Variants in EVL observed in about 807,000 individuals in gnomAD.
The protein encoded by EVL is Enah/Vasp-like.
In EVL, 21 loss-of-function variants were observed where a neutral mutation model predicts 59.6. The ratio of observed to expected loss-of-function variants is 0.35; its 90% CI spans 0.25 to 0.51. EVL has a LOEUF of 0.51. Among genes scored for constraint, EVL ranks in the 20% least tolerant of loss-of-function variants. The pLI is 0.97. For missense variants in EVL, 462 were observed against 546.6 expected, an observed-to-expected ratio of 0.85 and a Z score of 1.54; for synonymous variants, 198 against 203.5, an observed-to-expected ratio of 0.97 and a Z score of 0.23.
At chr14:100,064,167 TAGAAC>T (rs2061885949), upstream of EVL, among the ~76,000 whole-genome samples, 1 of 152,214 alleles carries the variant, frequency 6.6e-6, no homozygotes, top group Non-Finnish European at 1.5e-5. Context: ...TCTCTCCAAT[TAGAAC>T]TGATACTTCT....
At chr14:100,055,215 C>T (rs558716481) in intron 1 of EVL, among the ~76,000 whole-genome samples, 281 of 150,068 alleles carry the variant, frequency 1.9e-3, no homozygotes, top group Non-Finnish European at 3.1e-3. Context: ...AAAAAAAAAT[C>T]TGTGTCCTCT....
chr14:100,115,281 G>A (rs999365347), intron 3 of EVL, among the ~76,000 whole-genome samples: 5 of 152,182 alleles, frequency 3.3e-5, no homozygotes, highest in Admixed American at 6.5e-5. Flanking sequence ...CTGGAGACTG[G>A]GTCTAGCCCT....
At chr14:100,030,976 C>T (rs753729455) in intron 1 of EVL, among the ~76,000 whole-genome samples, 5 of 152,172 alleles carry the variant, frequency 3.3e-5, no homozygotes, top group South Asian at 2.1e-4. Context: ...ACAACTATGA[C>T]GTATGAGGTC....
In EVL at chr14:100,108,900, CTT is replaced by C. The variant is rs1886761062; in HGVS notation, c.358+11244_358+11245del. Among the ~76,000 whole-genome samples, 1 of 152,206 alleles carries C rather than the reference CTT, an allele frequency of 6.6e-6. No individual in the cohort carries two copies. The highest frequency in any genetic ancestry group is 1.5e-5 in the Non-Finnish European group (1 of 68,034). Reference sequence around the variant, plus strand: ...AGGTTGGAAATTCAGAAAGTGGCCTCTTTGTCTCTGGACCCCAAAAACCCACA... The same window carrying C: ...AGGTTGGAAATTCAGAAAGTGGCCTCTGTCTCTGGACCCCAAAAACCCACA... On this transcript the variant is annotated intron_variant, in intron 3 of 13. Transcript: ENST00000392920. This position sits in a 1 kb window ranked among gnomAD's most constrained non-coding sequence, Gnocchi z 4.1.
chr14:100,080,978 A>G (rs550301304), intron 1 of EVL, among the ~76,000 whole-genome samples: 3 of 152,216 alleles, frequency 2.0e-5, no homozygotes, highest in East Asian at 1.9e-4. Context: ...TTGCCTATCA[A>G]ATTTCCTTAT....
chr14:99,994,589 C>G (rs1258142101), intron 1 of EVL, among the ~76,000 whole-genome samples: 1 of 152,128 alleles, frequency 6.6e-6, no homozygotes, highest in Non-Finnish European at 1.5e-5. Context: ...ATTGATAATA[C>G]AAATTACCTT....
chr14:100,103,095 C>T (rs1168684297), intron 3 of EVL, among the ~76,000 whole-genome samples: 3 of 123,274 alleles, frequency 2.4e-5, no homozygotes, highest in South Asian at 2.5e-4. Flanking sequence ...AGCAAGACTC[C>T]GTCTCAAAAA....
upstream of EVL, among the ~76,000 whole-genome samples, chr14:100,061,165 C>T (rs1021944912): frequency 6.6e-5 from 10 of 151,886 alleles, no homozygotes; most frequent in East Asian, 1.9e-4. Flanking sequence ...CTGAGGTGGA[C>T]GGATCCCTTG....
At chr14:100,124,885 G>C (rs1246594769) in intron 4 of EVL, among the ~76,000 whole-genome samples, 1 of 152,144 alleles carries the variant, frequency 6.6e-6, no homozygotes, top group Non-Finnish European at 1.5e-5. Context: ...AACAGCAGGG[G>C]ACACACACAC....
chr14:100,077,598 G>A (rs530310749), intron 1 of EVL, among the ~76,000 whole-genome samples: 7 of 152,246 alleles, frequency 4.6e-5, no homozygotes, highest in East Asian at 1.9e-4. Context: ...ACGTGAAAGC[G>A]AATGGTCCTC....
rs2060741596 is a variant in EVL at position 99,972,560 on chromosome 14, T to C, written c.5+503T>C. 6.6e-6 allele frequency among the ~76,000 whole-genome samples: 1 copy of C among 152,172 alleles called. No homozygotes were observed. The highest frequency in any genetic ancestry group is 6.5e-5 in the Admixed American group (1 of 15,280). On this transcript the variant is annotated intron_variant, in intron 1 of 13. Coordinates refer to the EVL transcript ENST00000402714. This position sits in a 1 kb window ranked among gnomAD's most constrained non-coding sequence, Gnocchi z 4.4. ...TTTACAGGTGTAGTTTCCCCTCGAC[T>C]TGGAGCCCGTCAACCCCTTCGTCTC...
At chr14:99,983,738 A>G (rs1004355093) in intron 1 of EVL, among the ~76,000 whole-genome samples, 1 of 152,172 alleles carries the variant, frequency 6.6e-6, no homozygotes, top group Non-Finnish European at 1.5e-5. Flanking sequence ...ATCTCAGTCT[A>G]GCTGCTTCCT....
intron 3 of EVL, among the ~76,000 whole-genome samples, chr14:100,123,259 G>A (rs1887813411): frequency 6.6e-6 from 1 of 152,168 alleles, no homozygotes; most frequent in South Asian, 2.1e-4. Context: ...TGAGAGAGAA[G>A]GCGAGCAGGG....
In EVL at chr14:99,972,483, C is replaced by T. The variant is rs1049757277; in HGVS notation, c.5+426C>T. 6.6e-6 allele frequency among the ~76,000 whole-genome samples: 1 copy of T among 152,170 alleles called. No individual in the cohort carries two copies. The highest frequency in any genetic ancestry group is 2.4e-5 in the African/African-American group (1 of 41,444). On this transcript the variant is annotated intron_variant, in intron 1 of 13. Coordinates refer to the EVL transcript ENST00000402714. This position sits in a 1 kb window ranked among gnomAD's most constrained non-coding sequence, Gnocchi z 4.4. The stretch of plus-strand genomic sequence containing the variant: ...CCCGGAGGAGGCTGGCCTGAAGCCC[C>T]CAGGCGTTGCCGAAGCCTCCCCCTG...
rs904344966 is a variant in EVL, at chr14:100,141,909, C to T, written c.1219+116C>T. ...GCTGGAGCCCATACTGCACTGGGCC[C>T]TGTGAGAGATTTCATTCTTACCATC... On this transcript the variant is annotated intron_variant, in intron 13 of 13. Coordinates refer to ENST00000392920, the MANE Select transcript of EVL (RefSeq NM_016337.3). The T allele has an allele frequency of 4.1e-6, 3 of 737,340 alleles. No homozygotes were observed. The African/African-American group carries it at 5.3e-5, about 13-fold the overall frequency. 45.7% of individuals were successfully genotyped at this position (737,340 alleles called of 1,614,324 possible). A position where few individuals can be genotyped will look rare whatever the true frequency, so the allele number is the denominator to read the frequency against.
chr14:100,058,533 A>G (rs896540924), intron 1 of EVL, among the ~76,000 whole-genome samples: 2 of 152,218 alleles, frequency 1.3e-5, no homozygotes, highest in Non-Finnish European at 2.9e-5. Flanking sequence ...TAACTTGCTC[A>G]CTAAATTGCG....
At chr14:100,059,927 C>T (rs1433415214) in intron 1 of EVL, among the ~76,000 whole-genome samples, 1 of 152,026 alleles carries the variant, frequency 6.6e-6, no homozygotes, top group Non-Finnish European at 1.5e-5. Flanking sequence ...ATCTAACATA[C>T]AATCATAAGT....
chr14:100,002,900 T>G (rs1259310468), intron 1 of EVL, among the ~76,000 whole-genome samples: 4 of 152,236 alleles, frequency 2.6e-5, no homozygotes, highest in Non-Finnish European at 4.4e-5. Context: ...CAATTAAATT[T>G]CTTTTCCAAA....
At chr14:100,085,863 C>T (rs1244753952) in intron 2 of EVL, among the ~76,000 whole-genome samples, 1 of 152,186 alleles carries the variant, frequency 6.6e-6, no homozygotes, top group Non-Finnish European at 1.5e-5. Flanking sequence ...CACGGTGGCT[C>T]ACGCCTGTAA....
Sources: allele counts gnomAD v4.1 joint callset (sites outside exome capture counted in the v4.1 genomes callset), GRCh38; gene constraint gnomAD v4.1.1; non-coding constraint Gnocchi (gnomAD v3.1); transcripts MANE v1.5; gene names NCBI Gene and HGNC (gene_info 2026-07-23, HGNC 2026-07-21).